Variants in FGF12 observed in about 807,000 individuals in gnomAD.
FGF12 encodes the protein fibroblast growth factor 12B.
A neutral mutation model predicts 23.6 loss-of-function variants in FGF12; 14 were observed. That is an observed-to-expected ratio of 0.59 (90% CI 0.39 to 0.93). FGF12 has a LOEUF of 0.93. Among genes scored for constraint, FGF12 ranks in the 40% least tolerant of loss-of-function variants. The pLI is 0.00. For missense variants in FGF12, 175 were observed against 217.8 expected (o/e 0.80, Z 1.24); for synonymous variants, 62 against 77.3 (o/e 0.80, Z 1.04).
intron 2 of FGF12, among the ~76,000 whole-genome samples, chr3:192,649,663 C>T (rs1716140890): frequency 6.6e-6 from 1 of 152,032 alleles, no homozygotes; most frequent in East Asian, 1.9e-4. Flanking sequence ...GCGATCCTCC[C>T]ACCTCACCTT....
intron 4 of FGF12, among the ~76,000 whole-genome samples, chr3:192,211,434 T>C (rs1237182250): frequency 6.6e-6 from 1 of 152,158 alleles, no homozygotes; most frequent in Non-Finnish European, 1.5e-5. Context: ...TTTATTTGTT[T>C]ATTTTTTTGA....
intron 2 of FGF12, among the ~76,000 whole-genome samples, chr3:192,656,318 CACAGAGAG>C (rs1449153234): frequency 2.6e-5 from 2 of 76,982 alleles, no homozygotes; most frequent in African/African-American, 7.8e-5. Flanking sequence ...CACACACACA[CACAGAGAG>C]AGAATTATAG....
At chr3:192,314,764 A>G (rs557203077) in intron 4 of FGF12, among the ~76,000 whole-genome samples, 188 of 152,322 alleles carry the variant, frequency 1.2e-3, no homozygotes, top group African/African-American at 4.3e-3. Flanking sequence ...TAGGAAATAA[A>G]ATCAGAAGAG....
chr3:192,590,579 G>A (rs1381970104), intron 2 of FGF12, among the ~76,000 whole-genome samples: 1 of 151,852 alleles, frequency 6.6e-6, no homozygotes, highest in Non-Finnish European at 1.5e-5. Context: ...GAAGTCAAGT[G>A]CTGCCCAAAA....
intron 2 of FGF12, among the ~76,000 whole-genome samples, chr3:192,617,136 G>C (rs1264365248): frequency 6.6e-6 from 1 of 152,032 alleles, no homozygotes; most frequent in Admixed American, 6.6e-5. Context: ...AGGCTTATTT[G>C]CATGTGTGTG....
intron 2 of FGF12, among the ~76,000 whole-genome samples, chr3:192,411,957 G>GTTT (rs35730192): frequency 3.1e-4 from 47 of 149,688 alleles, no homozygotes; most frequent in African/African-American, 1.1e-3. Flanking sequence ...AATATGGCCG[G>GTTT]TTTTTTTTTT....
intron 2 of FGF12, among the ~76,000 whole-genome samples, chr3:192,688,329 G>A (rs1042850650): frequency 6.6e-6 from 1 of 151,968 alleles, no homozygotes; most frequent in African/African-American, 2.4e-5. Flanking sequence ...GCCATGGCAC[G>A]CCCCAGCATG....
chr3:192,617,676 C>A (rs2108644949), intron 2 of FGF12, among the ~76,000 whole-genome samples: 1 of 152,136 alleles, frequency 6.6e-6, no homozygotes, highest in South Asian at 2.1e-4. Context: ...GAGGTGGGAC[C>A]CAAGATTCCA....
intron 4 of FGF12, among the ~76,000 whole-genome samples, chr3:192,227,606 G>GA (rs962160914): frequency 1.4e-5 from 2 of 139,732 alleles, no homozygotes; most frequent in African/African-American, 2.6e-5. Context: ...AAAGAAAAAA[G>GA]AAAAAAAATT....
chr3:192,573,015 G>A (rs999539139), intron 2 of FGF12, among the ~76,000 whole-genome samples: 10 of 152,246 alleles, frequency 6.6e-5, no homozygotes, highest in Non-Finnish European at 1.2e-4. Flanking sequence ...AATGGCATTC[G>A]GAAAAGGTAT....
chr3:192,345,233 A>G (rs1446622466), intron 3 of FGF12, among the ~76,000 whole-genome samples: 1 of 152,210 alleles, frequency 6.6e-6, no homozygotes, highest in Non-Finnish European at 1.5e-5. Context: ...TCTAAAATAG[A>G]TAAAAGTAAC....
chr3:192,192,385 G>A (rs971199973), intron 4 of FGF12, among the ~76,000 whole-genome samples: 1 of 148,658 alleles, frequency 6.7e-6, no homozygotes, highest in African/African-American at 2.5e-5. Flanking sequence ...ACTTTTCATA[G>A]AAGAAAATTT....
At chr3:192,155,814 A>G in intron 5 of FGF12, among the ~76,000 whole-genome samples, 1 of 152,220 alleles carries the variant, frequency 6.6e-6, no homozygotes, top group South Asian at 2.1e-4. Context: ...TTCAATAGCT[A>G]CATGAATTCT....
intron 2 of FGF12, among the ~76,000 whole-genome samples, chr3:192,419,230 A>C (rs1162721693): frequency 1.3e-5 from 2 of 152,156 alleles, no homozygotes; most frequent in Admixed American, 6.5e-5. Context: ...AAAACAGGTA[A>C]GATAACATCA....
At chr3:192,561,497 G>A (rs1712023084) in intron 2 of FGF12, among the ~76,000 whole-genome samples, 1 of 151,912 alleles carries the variant, frequency 6.6e-6, no homozygotes, top group Non-Finnish European at 1.5e-5. Context: ...TGAGTAGCTG[G>A]GACTACAGGC....
intron 2 of FGF12, among the ~76,000 whole-genome samples, chr3:192,557,176 C>A (rs1038303348): frequency 6.6e-5 from 10 of 151,468 alleles, no homozygotes; most frequent in Admixed American, 6.6e-4. Flanking sequence ...AGCCCAAAGT[C>A]ACCAAAAGAA....
chr3:192,402,751 C>T (rs1025292679), intron 2 of FGF12, among the ~76,000 whole-genome samples: 1 of 152,048 alleles, frequency 6.6e-6, no homozygotes, highest in South Asian at 2.1e-4. Context: ...ATCCTGAAGT[C>T]AAGTTATTAT....
intron 2 of FGF12, among the ~76,000 whole-genome samples, chr3:192,477,225 C>T (rs1723351310): frequency 6.6e-6 from 1 of 152,204 alleles, no homozygotes; most frequent in Admixed American, 6.5e-5. Flanking sequence ...GGAATAAAGA[C>T]TGACTTTGCT....
At chr3:192,611,833 T>C (rs1714560894) in intron 2 of FGF12, among the ~76,000 whole-genome samples, 1 of 152,024 alleles carries the variant, frequency 6.6e-6, no homozygotes, top group South Asian at 2.1e-4. Flanking sequence ...AGTAGTCATC[T>C]GTGAAAGGTT....
Sources: gnomAD v4.1 joint callset for allele counts (sites outside exome capture counted in the v4.1 genomes callset) on GRCh38, gnomAD v4.1.1 for gene constraint, MANE v1.5 for transcripts, NCBI Gene and HGNC (gene_info 2026-07-23, HGNC 2026-07-21) for gene names.